CHRM3: variants seen among roughly 807,000 people sequenced by gnomAD.
CHRM3 encodes muscarinic acetylcholine receptor M3.
CHRM3 carries 11 observed loss-of-function variants against 41.8 expected under a neutral mutation model. The observed-to-expected ratio is 0.26, with a 90% confidence interval of 0.17 to 0.44. CHRM3 has a LOEUF of 0.44. Ranked by LOEUF, CHRM3 falls within the 20% of genes least tolerant of loss-of-function variation. The pLI is 1.00. For missense variants in CHRM3, 571 were observed against 745.4 expected (o/e 0.77, Z 2.72); for synonymous variants, 297 against 301.4 (o/e 0.99, Z 0.15).
intron 4 of CHRM3, among the ~76,000 whole-genome samples, chr1:239,665,009 G>A (rs143084733): frequency 1.3e-5 from 2 of 151,990 alleles, no homozygotes; most frequent in East Asian, 1.9e-4. Flanking sequence ...CAGCAGATCT[G>A]TCTCTGTGTG....
chr1:239,795,135 T>G (rs764797857), intron 5 of CHRM3, among the ~76,000 whole-genome samples: 1 of 152,202 alleles, frequency 6.6e-6, no homozygotes, highest in Non-Finnish European at 1.5e-5. Flanking sequence ...TTTTTTTAAC[T>G]GAAAGAAAAT....
chr1:239,612,886 A>G (rs1667224316), intron 3 of CHRM3, among the ~76,000 whole-genome samples: 2 of 152,118 alleles, frequency 1.3e-5, no homozygotes, highest in Admixed American at 6.5e-5. Context: ...CATCTTGAGG[A>G]AGCTCCTTAA....
chr1:239,780,749 C>T (rs1176092521), intron 5 of CHRM3, among the ~76,000 whole-genome samples: 3 of 151,982 alleles, frequency 2.0e-5, no homozygotes, highest in Non-Finnish European at 4.4e-5. Flanking sequence ...TTATATTTTA[C>T]ATTTAGATAT....
chr1:239,499,119 A>G (rs147381659), intron 2 of CHRM3, among the ~76,000 whole-genome samples: 3 of 152,262 alleles, frequency 2.0e-5, no homozygotes, highest in African/African-American at 7.2e-5. Context: ...GCGTATTGGT[A>G]AGTTACTAGA....
intron 6 of CHRM3, among the ~76,000 whole-genome samples, chr1:239,876,100 A>G (rs1312919991): frequency 6.6e-6 from 1 of 152,216 alleles, no homozygotes; most frequent in Non-Finnish European, 1.5e-5. Flanking sequence ...TCAAAACCCG[A>G]AAGTGGCAAA....
At chr1:239,426,463 C>G (rs1029521089) in intron 1 of CHRM3, among the ~76,000 whole-genome samples, 3 of 124,642 alleles carry the variant, frequency 2.4e-5, no homozygotes, top group Non-Finnish European at 5.0e-5. Flanking sequence ...TTCGAACTCA[C>G]CCCGCAAAAA....
At chr1:239,826,358 G>A (rs947235703) in intron 5 of CHRM3, among the ~76,000 whole-genome samples, 7 of 152,116 alleles carry the variant, frequency 4.6e-5, no homozygotes, top group East Asian at 1.9e-4. Flanking sequence ...AGGAAACATC[G>A]GATGAGTAAA....
At chr1:239,429,701 A>G (rs1348913798) in intron 1 of CHRM3, among the ~76,000 whole-genome samples, 1 of 150,566 alleles carries the variant, frequency 6.6e-6, no homozygotes. Context: ...TTATTTGGTT[A>G]GTCTGATTGC....
At chr1:239,610,559 A>G (rs1033858321) in intron 3 of CHRM3, among the ~76,000 whole-genome samples, 2 of 152,284 alleles carry the variant, frequency 1.3e-5, no homozygotes, top group East Asian at 3.9e-4. Context: ...AGTGAACAGC[A>G]CTTTTACGTT....
intron 1 of CHRM3, among the ~76,000 whole-genome samples, chr1:239,444,411 T>C (rs555266094): frequency 8.6e-4 from 131 of 152,226 alleles, no homozygotes; most frequent in South Asian, 1.9e-3. Context: ...ATAAAAAGAA[T>C]GTTTTGAATG....
At chr1:239,407,949 T>G (rs984629726) in intron 1 of CHRM3, among the ~76,000 whole-genome samples, 13 of 152,284 alleles carry the variant, frequency 8.5e-5, no homozygotes, top group African/African-American at 2.4e-4. Flanking sequence ...AATCTGCAAC[T>G]GAGTACCTAC....
intron 5 of CHRM3, among the ~76,000 whole-genome samples, chr1:239,784,261 A>T (rs2148819980): frequency 6.6e-6 from 1 of 152,138 alleles, no homozygotes; most frequent in East Asian, 1.9e-4. Context: ...GTTTCTTTTG[A>T]TTAGCATTAG....
chr1:239,883,976 G>A (rs954326898), intron 6 of CHRM3, among the ~76,000 whole-genome samples: 21 of 152,190 alleles, frequency 1.4e-4, no homozygotes, highest in Admixed American at 4.6e-4. Context: ...TATATTTATC[G>A]TATGAAAAGA....
intron 2 of CHRM3, among the ~76,000 whole-genome samples, chr1:239,524,524 A>G (rs1379786406): frequency 6.6e-6 from 1 of 152,174 alleles, no homozygotes; most frequent in African/African-American, 2.4e-5. Flanking sequence ...AAAATTGGAT[A>G]AATGTAATTA....
chr1:239,859,435 T>G (rs564010309), intron 6 of CHRM3, among the ~76,000 whole-genome samples: 3 of 150,556 alleles, frequency 2.0e-5, no homozygotes, highest in South Asian at 2.1e-4. Context: ...TTTTTTTGTT[T>G]TTTTTTTTGA....
At chr1:239,656,098 TTGGGTACAAA>T (rs1402185647) in intron 4 of CHRM3, among the ~76,000 whole-genome samples, 12 of 152,064 alleles carry the variant, frequency 7.9e-5, no homozygotes, top group African/African-American at 2.9e-4. Context: ...GGAGGTAACA[TTGGGTACAAA>T]TGGGCACAAA....
intron 2 of CHRM3, among the ~76,000 whole-genome samples, chr1:239,496,520 TGTGTGTG>T (rs2148103000): frequency 6.8e-6 from 1 of 146,572 alleles, no homozygotes; most frequent in East Asian, 2.0e-4. Flanking sequence ...AGTGTGTGTG[TGTGTGTG>T]TGTGTGTGTG....
At chr1:239,712,852 A>G (rs941716245) in intron 5 of CHRM3, among the ~76,000 whole-genome samples, 1 of 152,188 alleles carries the variant, frequency 6.6e-6, no homozygotes, top group African/African-American at 2.4e-5. Context: ...GGACTATTTC[A>G]TTACTCCTCT....
At chr1:239,525,990 A>C (rs932493104) in intron 2 of CHRM3, among the ~76,000 whole-genome samples, 66 of 152,216 alleles carry the variant, frequency 4.3e-4, no homozygotes, top group Admixed American at 3.2e-3. Flanking sequence ...AAATGCTTCT[A>C]TCAGCCATCC....
Sources: allele counts gnomAD v4.1 joint callset (sites outside exome capture counted in the v4.1 genomes callset), GRCh38; gene constraint gnomAD v4.1.1; transcripts MANE v1.5; gene names NCBI Gene and HGNC (gene_info 2026-07-23, HGNC 2026-07-21).